Variants in XPO6 observed in about 807,000 individuals in gnomAD.
The protein encoded by XPO6 is exportin 6.
XPO6 carries 3 observed loss-of-function variants against 130.0 expected under a neutral mutation model. The ratio of observed to expected loss-of-function variants is 0.02; its 90% CI spans 0.01 to 0.06. XPO6 has a LOEUF of 0.06. Among genes scored for constraint, XPO6 ranks in the 10% least tolerant of loss-of-function variants. The pLI, the probability that XPO6 is intolerant of heterozygous loss-of-function variation, is 1.00. For synonymous variants in XPO6, 524 were observed against 548.9 expected, an observed-to-expected ratio of 0.95 and a Z score of 0.63; for missense variants, 970 against 1,393.0, an observed-to-expected ratio of 0.70 and a Z score of 4.83.
At position 28,121,294 on chromosome 16, in the gene XPO6, G is replaced by C. The variant is rs1486484216; in HGVS notation, c.1859+376C>G. ...ACAGTATCCTACAGTTTTAGTCAAT[G>C]ATCTACAGGAAAGACTGATGGCATC... On this transcript the variant is annotated intron_variant, in intron 14 of 23. Coordinates refer to ENST00000304658, the MANE Select transcript of XPO6 (RefSeq NM_015171.4). Among the ~76,000 whole-genome samples, 6 of 152,208 alleles carry C rather than the reference G, an allele frequency of 3.9e-5. 1 individual carries two copies. Among genetic ancestry groups the C allele is most frequent in the Admixed American group, 2.0e-4 (3 of 15,276 alleles).
chr16:28,115,487 T>G (rs2087032606), intron 15 of XPO6, among the ~76,000 whole-genome samples: 1 of 152,204 alleles, frequency 6.6e-6, no homozygotes, highest in African/African-American at 2.4e-5. Context: ...CAGGTCTCCA[T>G]AATGAGCTTA....
chr16:28,152,946 C>T (rs965111136), intron 7 of XPO6, 161 bp from the exon 8 acceptor site: 1 of 1,331,978 alleles, frequency 7.5e-7, no homozygotes, highest in Non-Finnish European at 9.5e-7. Context: ...GACAGGCAAC[C>T]CTTCATTCCA....
chr16:28,123,650 C>CT (rs2087310196), intron 13 of XPO6, among the ~76,000 whole-genome samples: 1 of 152,110 alleles, frequency 6.6e-6, no homozygotes, highest in Admixed American at 6.5e-5. Flanking sequence ...AAAGTGAGGG[C>CT]AAAAGAACTA....
chr16:28,176,349 T>C (rs919588996), intron 3 of XPO6, among the ~76,000 whole-genome samples: 1 of 152,176 alleles, frequency 6.6e-6, no homozygotes, highest in Non-Finnish European at 1.5e-5. Flanking sequence ...CTGTCTCTAA[T>C]GGCCACCAAA....
intron 8 of XPO6, among the ~76,000 whole-genome samples, chr16:28,147,902 T>G (rs1361197141): frequency 6.6e-6 from 1 of 152,106 alleles, no homozygotes; most frequent in Non-Finnish European, 1.5e-5. Context: ...GCTGAGATCG[T>G]GCCACTGCAC....
intron 1 of XPO6, among the ~76,000 whole-genome samples, chr16:28,209,692 G>A (rs1362401385): frequency 1.3e-5 from 2 of 149,900 alleles, no homozygotes; most frequent in Admixed American, 6.6e-5. Flanking sequence ...AGGAAGGAAT[G>A]AGTGCTACTT....
chr16:28,193,471 G>A (rs966095012), intron 1 of XPO6, among the ~76,000 whole-genome samples: 1 of 152,098 alleles, frequency 6.6e-6, no homozygotes, highest in African/African-American at 2.4e-5. Context: ...CATGTGCCCG[G>A]GTTCCACTAA....
At chr16:28,112,476 T>A (rs764175722) in intron 16 of XPO6, among the ~76,000 whole-genome samples, 12 of 152,274 alleles carry the variant, frequency 7.9e-5, no homozygotes, top group Non-Finnish European at 1.6e-4. Flanking sequence ...TCCTGTTAGG[T>A]GGTTTTTAAA....
intron 4 of XPO6, 33 bp from the exon 5 acceptor site, chr16:28,169,942 T>C (rs764535542): frequency 6.2e-7 from 1 of 1,611,156 alleles, no homozygotes; most frequent in South Asian, 1.1e-5. Flanking sequence ...GAGCAGAGTG[T>C]TGGACTAATA....
chr16:28,170,332 C>CAAAAAAAAAAAAAAAAAAAAAAAAAAAA (rs10638478), intron 4 of XPO6, among the ~76,000 whole-genome samples: 1 of 81,344 alleles, frequency 1.2e-5, no homozygotes. Flanking sequence ...AACTCTGTCT[C>CAAAAAAAAAAAAAAAAAAAAAAAAAAAA]AAAAAAAAAA....
chr16:28,122,308 TGAG>T (rs1044042883), intron 13 of XPO6, among the ~76,000 whole-genome samples: 3 of 152,104 alleles, frequency 2.0e-5, no homozygotes, highest in East Asian at 1.9e-4. Context: ...GTTTTATAAA[TGAG>T]GAGAATAAAA....
intron 5 of XPO6, chr16:28,166,809 T>C (rs766117050): frequency 4.1e-6 from 4 of 985,278 alleles, no homozygotes; most frequent in Admixed American, 6.2e-5. Context: ...CTCCCCACTG[T>C]TGCCTCCAGC....
intron 14 of XPO6, 67 bp from the exon 15 acceptor site, chr16:28,117,529 T>G (rs913629669): frequency 9.6e-6 from 15 of 1,561,256 alleles, no homozygotes; most frequent in Non-Finnish European, 1.3e-5. Context: ...TCAACTCATT[T>G]TCATAGGAGG....
chr16:28,169,381 A>G (rs1318577489), intron 5 of XPO6, among the ~76,000 whole-genome samples: 2 of 152,178 alleles, frequency 1.3e-5, no homozygotes, highest in Non-Finnish European at 2.9e-5. Flanking sequence ...AAATTTTCAT[A>G]TCCTCCTACT....
Position 28,156,347 on chromosome 16 carries a change from A to G in XPO6, c.824T>C (p.Phe275Ser). 6.2e-7 allele frequency: 1 copy of G among 1,613,984 alleles called. No homozygotes were observed. The highest frequency in any genetic ancestry group is 8.5e-7 in the Non-Finnish European group (1 of 1,179,986). The change falls in exon 7 of 24, where the codon TTC (phenylalanine) becomes TCC (serine). Residue 275 changes from phenylalanine to serine, a missense_variant. Physicochemically the swap from Phe to Ser is radical, Grantham distance 155. Around this residue, in one of 4 missense-constraint regions of XPO6, gnomAD observed 936 missense variants for 1,306.8 expected, o/e 0.72. Coordinates refer to ENST00000304658, the MANE Select transcript of XPO6 (RefSeq NM_015171.4). ...SITPSLLTTI[F>S]HFARFGCDIR... The stretch of plus-strand genomic sequence containing the variant: ...GTCACAGCCAAATCGTGCAAAGTGG[A>G]AGATGGTGGTAAGGAGGGATGGGGT...
intron 9 of XPO6, among the ~76,000 whole-genome samples, chr16:28,143,133 T>A (rs2042924611): frequency 6.6e-6 from 1 of 152,180 alleles, no homozygotes; most frequent in African/African-American, 2.4e-5. Flanking sequence ...ATGAGAAAAA[T>A]TCCCACTGTT....
At chr16:28,167,342 A>C in intron 5 of XPO6, 1 of 985,404 alleles carries the variant, frequency 1.0e-6, no homozygotes, top group Non-Finnish European at 1.2e-6. Context: ...CTCATGCAGG[A>C]AACAGGCTGG....
At chr16:28,100,633 C>A (rs958410340) in intron 23 of XPO6, among the ~76,000 whole-genome samples, 3 of 152,222 alleles carry the variant, frequency 2.0e-5, no homozygotes, top group African/African-American at 7.2e-5. Context: ...GGTCAAGAAC[C>A]CCAAGAGGAC....
chr16:28,110,948 G>A (rs1166837260), intron 17 of XPO6, among the ~76,000 whole-genome samples: 2 of 152,168 alleles, frequency 1.3e-5, no homozygotes. Context: ...TAACCATGAA[G>A]CATATTTTAA....
Sources: gnomAD v4.1 joint callset for allele counts (sites outside exome capture counted in the v4.1 genomes callset) on GRCh38, gnomAD v4.1.1 for gene constraint, gnomAD v4.1.1 regional missense constraint, MANE v1.5 for transcripts, NCBI Gene and HGNC (gene_info 2026-07-23, HGNC 2026-07-21) for gene names.